The following KATNBL1 variants were observed in gnomAD, a reference collection of about 807,000 sequenced individuals.
KATNBL1 encodes KATNB1-like protein 1.
Under a neutral mutation model 44.7 loss-of-function variants are expected in KATNBL1, and 28 were observed. That is an observed-to-expected ratio of 0.63 (90% CI 0.46 to 0.86). The LOEUF is 0.86. KATNBL1 is among the 40% of genes least tolerant of loss of function. KATNBL1 has a pLI of 0.00. For synonymous variants in KATNBL1, 78 were observed against 114.9 expected (o/e 0.68, Z 2.06); for missense variants, 272 against 350.7 (o/e 0.78, Z 1.79).
At chr15:34,178,568 T>G (rs780597657) in intron 1 of KATNBL1, among the ~76,000 whole-genome samples, 3 of 151,952 alleles carry the variant, frequency 2.0e-5, no homozygotes, top group Non-Finnish European at 4.4e-5. Flanking sequence ...CCATCCTGGC[T>G]AACCCGGTGA....
At chr15:34,144,761 G>A (rs1888259513) in intron 9 of KATNBL1, among the ~76,000 whole-genome samples, 1 of 151,978 alleles carries the variant, frequency 6.6e-6, no homozygotes, top group Non-Finnish European at 1.5e-5. Context: ...TAGTAGAAAC[G>A]GGGTTTCACC....
chr15:34,173,381 A>T (rs189059127), intron 1 of KATNBL1, among the ~76,000 whole-genome samples: 5 of 152,304 alleles, frequency 3.3e-5, no homozygotes, highest in Admixed American at 2.6e-4. Context: ...CCTAAAATCC[A>T]AACTTGGTCA....
At chr15:34,165,302 A>G (rs1459355977) in intron 1 of KATNBL1, among the ~76,000 whole-genome samples, 2 of 152,004 alleles carry the variant, frequency 1.3e-5, no homozygotes, top group Non-Finnish European at 2.9e-5. Context: ...CTTGTCCACA[A>G]TGCTACAATG....
chr15:34,204,824 T>C (rs1890251486), intron 1 of KATNBL1, among the ~76,000 whole-genome samples: 1 of 151,598 alleles, frequency 6.6e-6, no homozygotes, highest in African/African-American at 2.4e-5. Context: ...AAAAAGGTAG[T>C]TGGCTAAAAT....
At chr15:34,184,576 C>CTTTTTTTTTTTTTTTTTTTTTTT (rs71119942) in intron 1 of KATNBL1, among the ~76,000 whole-genome samples, 1 of 95,256 alleles carries the variant, frequency 1.0e-5, no homozygotes, top group Non-Finnish European at 1.9e-5. Flanking sequence ...CCTAATGTTT[C>CTTTTTTTTTTTTTTTTTTTTTTT]TTTTTTTTTT....
intron 1 of KATNBL1, among the ~76,000 whole-genome samples, chr15:34,190,552 C>T (rs1889844702): frequency 6.6e-6 from 1 of 152,198 alleles, no homozygotes; most frequent in Admixed American, 6.5e-5. Context: ...GAGCTTTCCA[C>T]ATTTCCGAAT....
At chr15:34,175,962 C>T (rs1426584022) in intron 1 of KATNBL1, among the ~76,000 whole-genome samples, 1 of 152,116 alleles carries the variant, frequency 6.6e-6, no homozygotes, top group Non-Finnish European at 1.5e-5. Context: ...GATATGTATG[C>T]AAATGTTATA....
chr15:34,194,484 A>T lies in KATNBL1; in HGVS notation c.-15+15467T>A, dbSNP rs76284591. ...AAAAAACTTTAAAAATTACATGAGC[A>T]TGGTGGCACGCGCCTGTAGTTCCAG... On this transcript the variant is annotated intron_variant, in intron 1 of 9. Coordinates refer to ENST00000256544, the MANE Select transcript of KATNBL1 (RefSeq NM_024713.3). Among the ~76,000 whole-genome samples the T allele has an allele frequency of 2.0e-5, 3 of 151,968 alleles. No individual in the cohort carries two copies. In the East Asian group the frequency reaches 5.8e-4, roughly 29 times the overall value.
chr15:34,142,546 C>T, intron 9 of KATNBL1, 175 bp from the exon 10 acceptor site: 3 of 598,002 alleles, frequency 5.0e-6, no homozygotes, highest in South Asian at 5.2e-5. Context: ...CAGGGCCTGG[C>T]ACATAGTATG....
intron 1 of KATNBL1, among the ~76,000 whole-genome samples, chr15:34,169,006 T>C (rs1889071616): frequency 1.3e-5 from 2 of 149,208 alleles, no homozygotes; most frequent in Non-Finnish European, 3.0e-5. Flanking sequence ...ACAATCGACA[T>C]GCTAAAATCA....
intron 1 of KATNBL1, among the ~76,000 whole-genome samples, chr15:34,204,942 A>G (rs1365122879): frequency 1.3e-5 from 2 of 151,758 alleles, no homozygotes; most frequent in Non-Finnish European, 2.9e-5. Context: ...ACTATTCTTG[A>G]CGATTATTTA....
Position 34,153,046 on chromosome 15 carries a change from C to T in KATNBL1, c.182G>A (p.Ser61Asn). 1 of 1,610,602 alleles carries T rather than the reference C, an allele frequency of 6.2e-7. No homozygotes were observed. The highest frequency in any genetic ancestry group is 8.5e-7 in the Non-Finnish European group (1 of 1,178,028). Residue 61 changes from serine to asparagine, a missense_variant, in exon 4 of 10, where the codon AGC (serine) becomes AAC (asparagine). Coordinates refer to ENST00000256544, the MANE Select transcript of KATNBL1 (RefSeq NM_024713.3). Reference sequence around the variant, plus strand: ...GATCACTTTACGAAGTTTATCTGGGCTTTTCACAGTTTGTCCAACTGTTCT... The same window carrying T: ...GATCACTTTACGAAGTTTATCTGGGTTTTTCACAGTTTGTCCAACTGTTCT... ...INRTVGQTVK[S>N]PDKLRKVIYR...
chr15:34,167,195 C>G (rs1889004335), intron 1 of KATNBL1, among the ~76,000 whole-genome samples: 1 of 152,012 alleles, frequency 6.6e-6, no homozygotes, highest in African/African-American at 2.4e-5. Context: ...AGCCAAAAAC[C>G]TTGAAAAAAG....
chr15:34,177,633 T>TTAAAAAAAAA (rs753939677), intron 1 of KATNBL1, among the ~76,000 whole-genome samples: 8 of 91,904 alleles, frequency 8.7e-5, no homozygotes, highest in African/African-American at 3.1e-4. Context: ...AACTCTGTCT[T>TTAAAAAAAAA]AAAAAAAAAA....
rs761646496 is a variant in KATNBL1, at chr15:34,148,644, G to A, written c.545C>T (p.Ala182Val). The A allele has an allele frequency of 6.4e-7, 1 of 1,555,034 alleles. No individual in the cohort carries two copies. The highest frequency in any genetic ancestry group is 8.9e-7 in the Non-Finnish European group (1 of 1,127,254). ...WRKRSISELV[A>V]YLLRIEDLGV... Reference sequence around the variant, plus strand: ...AGGTCACACTTACCTCAACAAATAAGCTACAAGTTCACTTATACTTCTCTT... The same window carrying A: ...AGGTCACACTTACCTCAACAAATAAACTACAAGTTCACTTATACTTCTCTT... Residue 182 changes from alanine to valine, a missense_variant, in exon 5 of 10, where the codon GCT becomes GTT. Transcript: ENST00000256544.
chr15:34,145,317 G>A lies in KATNBL1; in HGVS notation c.882+81C>T, dbSNP rs74010250. ...GAACAGTACCATATTATTTTGCCTAGAGACTTGAAAATTAATTTATAAATG... is the reference window on the plus strand; with the variant it reads ...GAACAGTACCATATTATTTTGCCTAAAGACTTGAAAATTAATTTATAAATG... On this transcript the variant is annotated intron_variant, in intron 9 of 9. Coordinates refer to ENST00000256544, the MANE Select transcript of KATNBL1 (RefSeq NM_024713.3). 3,647 of 1,314,016 alleles carry A rather than the reference G, an allele frequency of 2.8e-3. 78 individuals are homozygous for A. In the African/African-American group the frequency reaches 0.047, roughly 17 times the overall value. The allele number at this position is 1,314,016 out of a possible 1,614,324, so 81.4% of individuals were successfully genotyped here.
At chr15:34,142,525 T>C (rs1165195702) in intron 9 of KATNBL1, 154 bp from the exon 10 acceptor site, 1 of 737,490 alleles carries the variant, frequency 1.4e-6, no homozygotes, top group Non-Finnish European at 2.1e-6. Context: ...TTTATCTGCA[T>C]TTGTTCAGCA....
At chr15:34,174,938 G>A (rs1889279827) in intron 1 of KATNBL1, among the ~76,000 whole-genome samples, 1 of 150,482 alleles carries the variant, frequency 6.6e-6, no homozygotes, top group Non-Finnish European at 1.5e-5. Context: ...CACTGCGACT[G>A]GCCACAAATA....
At chr15:34,176,367 A>G (rs1889333119) in intron 1 of KATNBL1, among the ~76,000 whole-genome samples, 1 of 152,124 alleles carries the variant, frequency 6.6e-6, no homozygotes, top group Non-Finnish European at 1.5e-5. Flanking sequence ...AAGAAGAGTG[A>G]AACTTCATCT....
Sources: gnomAD v4.1 joint callset for allele counts (sites outside exome capture counted in the v4.1 genomes callset) on GRCh38, gnomAD v4.1.1 for gene constraint, MANE v1.5 for transcripts, NCBI Gene and HGNC (gene_info 2026-07-23, HGNC 2026-07-21) for gene names.